CHMP4B: variants seen among roughly 807,000 people sequenced by gnomAD.
CHMP4B encodes SNF7 homolog associated with Alix 1.
A neutral mutation model predicts 25.1 loss-of-function variants in CHMP4B; 1 was observed. The ratio of observed to expected loss-of-function variants is 0.04; its 90% CI spans 0.01 to 0.19. The LOEUF (loss-of-function observed/expected upper bound fraction) is 0.19, where lower values mean the gene tolerates loss of function less well. Among genes scored for constraint, CHMP4B ranks in the 10% least tolerant of loss-of-function variants. The pLI is 1.00. For missense variants in CHMP4B, 151 were observed against 289.7 expected (o/e 0.52, Z 3.48); for synonymous variants, 101 against 115.6 (o/e 0.87, Z 0.81).
intron 4 of CHMP4B, among the ~76,000 whole-genome samples, chr20:33,852,993 G>T (rs1490604239): frequency 6.6e-6 from 1 of 152,194 alleles, no homozygotes; most frequent in Middle Eastern, 3.2e-3. Flanking sequence ...GGCAGTGCAT[G>T]ACCAGCTGTG....
intron 1 of CHMP4B, among the ~76,000 whole-genome samples, chr20:33,832,430 G>A (rs1261344342): frequency 6.6e-6 from 1 of 152,076 alleles, no homozygotes; most frequent in African/African-American, 2.4e-5. Flanking sequence ...TCCACCCGAG[G>A]GCCACACCAA....
At chr20:33,851,109 C>A (rs1322791884) in intron 3 of CHMP4B, 43 bp downstream of exon 3, 1 of 1,216,606 alleles carries the variant, frequency 8.2e-7, no homozygotes. Flanking sequence ...ACAAATGATA[C>A]CCTGAGGCTG....
At position 33,848,431 on chromosome 20, in the gene CHMP4B, G is replaced by C. The variant is rs779856277; in HGVS notation, c.191-36G>C. 10 of 1,610,582 alleles carry C rather than the reference G, an allele frequency of 6.2e-6. No individual in the cohort carries two copies. The South Asian group carries it at 6.6e-5, about 11-fold the overall frequency. On this transcript the variant is annotated intron_variant, in intron 1 of 4. Coordinates refer to ENST00000217402, the MANE Select transcript of CHMP4B (RefSeq NM_176812.5). The stretch of plus-strand genomic sequence containing the variant: ...TGACACTAGAACCTCACCCTGTGCC[G>C]GGACTCTCTGAAACCCTGTTTTCTC...
chr20:33,849,779 T>C (rs1305953552), intron 2 of CHMP4B, among the ~76,000 whole-genome samples: 1 of 152,118 alleles, frequency 6.6e-6, no homozygotes, highest in Non-Finnish European at 1.5e-5. Flanking sequence ...AATAAAGTTT[T>C]ATTATTATTT....
intron 1 of CHMP4B, among the ~76,000 whole-genome samples, chr20:33,846,122 C>T (rs147142770): frequency 7.0e-4 from 106 of 152,306 alleles, no homozygotes; most frequent in African/African-American, 2.4e-3. Flanking sequence ...AGGGCAGTAT[C>T]CTACCTTTTT....
At chr20:33,836,808 C>T (rs1979404592) in intron 1 of CHMP4B, among the ~76,000 whole-genome samples, 1 of 152,164 alleles carries the variant, frequency 6.6e-6, no homozygotes, top group Non-Finnish European at 1.5e-5. Flanking sequence ...CAGCAATCAA[C>T]TGGGTGTGAT....
At chr20:33,822,539 G>A (rs904514583) in intron 1 of CHMP4B, among the ~76,000 whole-genome samples, 16 of 152,186 alleles carry the variant, frequency 1.1e-4, no homozygotes, top group African/African-American at 1.9e-4. Flanking sequence ...GCATGTCATC[G>A]CAGATTGCTT....
chr20:33,841,027 A>G (rs143630209), intron 1 of CHMP4B, among the ~76,000 whole-genome samples: 19 of 152,306 alleles, frequency 1.2e-4, no homozygotes, highest in Admixed American at 7.8e-4. Context: ...AGTGTGTTTT[A>G]TCATGCCTTT....
At chr20:33,842,169 A>G (rs1395407858) in intron 1 of CHMP4B, among the ~76,000 whole-genome samples, 7 of 152,134 alleles carry the variant, frequency 4.6e-5, no homozygotes, top group Non-Finnish European at 1.0e-4. Flanking sequence ...CTCTAATGCC[A>G]TGTGGTACAA....
chr20:33,841,751 T>G (rs1199122394), intron 1 of CHMP4B, among the ~76,000 whole-genome samples: 1 of 152,174 alleles, frequency 6.6e-6, no homozygotes, highest in African/African-American at 2.4e-5. Flanking sequence ...ATCTGGGGAC[T>G]TAGGAGAGCA....
At chr20:33,815,317 A>G (rs1317149185) in intron 1 of CHMP4B, among the ~76,000 whole-genome samples, 2 of 152,196 alleles carry the variant, frequency 1.3e-5, no homozygotes, top group Non-Finnish European at 2.9e-5. Flanking sequence ...TCTTCAGGTG[A>G]GAATAAAGGG....
chr20:33,834,460 C>T lies in CHMP4B; in HGVS notation c.191-14007C>T, dbSNP rs189510059. On this transcript the variant is annotated intron_variant, in intron 1 of 4. Coordinates refer to ENST00000217402, the MANE Select transcript of CHMP4B (RefSeq NM_176812.5). ...TCAAGTAGCTGGGGCAGTACAGGTG[C>T]CTGCCACCGACTAATTTTTGAAAAA... Among the ~76,000 whole-genome samples the T allele has an allele frequency of 3.9e-5, 6 of 152,156 alleles. No homozygotes were observed. The East Asian group carries it at 7.7e-4, about 20-fold the overall frequency.
chr20:33,852,691 G>C (rs967447293), intron 4 of CHMP4B, among the ~76,000 whole-genome samples: 39 of 152,276 alleles, frequency 2.6e-4, no homozygotes, highest in African/African-American at 9.1e-4. Context: ...GAAAGTTCCA[G>C]GCACTGTGAG....
chr20:33,820,177 C>CA (rs75670158), intron 1 of CHMP4B, among the ~76,000 whole-genome samples: 225 of 144,458 alleles, frequency 1.6e-3, no homozygotes, highest in African/African-American at 4.5e-3. Flanking sequence ...GACTCTGTCT[C>CA]AAAAAAAAAA....
intron 1 of CHMP4B, among the ~76,000 whole-genome samples, chr20:33,823,600 C>T (rs540399048): frequency 3.9e-5 from 6 of 152,248 alleles, no homozygotes; most frequent in Non-Finnish European, 4.4e-5. Flanking sequence ...TGAAGGGGCA[C>T]GATCTAGGCT....
At chr20:33,812,371 G>A (rs1327615013) in intron 1 of CHMP4B, among the ~76,000 whole-genome samples, 1 of 152,088 alleles carries the variant, frequency 6.6e-6, no homozygotes, top group Non-Finnish European at 1.5e-5. Context: ...GTTTCCCGTG[G>A]CGCAAGCCTT....
chr20:33,813,565 C>T (rs949282132), intron 1 of CHMP4B, among the ~76,000 whole-genome samples: 2 of 152,098 alleles, frequency 1.3e-5, no homozygotes, highest in Admixed American at 1.3e-4. Context: ...TAGCTTTTTC[C>T]TCTGATGACT....
chr20:33,835,185 G>A (rs1039721069), intron 1 of CHMP4B, among the ~76,000 whole-genome samples: 22 of 152,146 alleles, frequency 1.4e-4, no homozygotes, highest in Admixed American at 1.4e-3. Flanking sequence ...TGCTAGCATC[G>A]TTTTCTATGA....
chr20:33,822,103 G>A (rs959238998), intron 1 of CHMP4B, among the ~76,000 whole-genome samples: 1 of 151,912 alleles, frequency 6.6e-6, no homozygotes, highest in African/African-American at 2.4e-5. Context: ...GGGATTACAG[G>A]TGTGAGCTGC....
Sources: allele counts gnomAD v4.1 joint callset (sites outside exome capture counted in the v4.1 genomes callset), GRCh38; gene constraint gnomAD v4.1.1; transcripts MANE v1.5; gene names NCBI Gene and HGNC (gene_info 2026-07-23, HGNC 2026-07-21).